The following RBKS variants were observed in gnomAD, a reference collection of about 807,000 sequenced individuals.
RBKS encodes ribokinase.
A neutral mutation model predicts 33.9 loss-of-function variants in RBKS; 33 were observed. The ratio of observed to expected loss-of-function variants is 0.97; its 90% CI spans 0.74 to 1.30. The LOEUF (loss-of-function observed/expected upper bound fraction) is 1.30, where lower values mean the gene tolerates loss of function less well. Ranked by LOEUF, RBKS falls within the 50% of genes most tolerant of loss-of-function variation. RBKS has a pLI of 0.00. For synonymous variants in RBKS, 125 were observed against 143.0 expected, an observed-to-expected ratio of 0.87 and a Z score of 0.90; for missense variants, 361 against 392.6, an observed-to-expected ratio of 0.92 and a Z score of 0.68.
intron 7 of RBKS, among the ~76,000 whole-genome samples, chr2:27,817,630 C>T (rs1467433851): frequency 6.6e-6 from 1 of 152,152 alleles, no homozygotes; most frequent in Admixed American, 6.5e-5. Flanking sequence ...AGCACTGTCC[C>T]AGGGTATACA....
At chr2:27,828,314 G>A (rs1349852346) in intron 6 of RBKS, among the ~76,000 whole-genome samples, 1 of 152,028 alleles carries the variant, frequency 6.6e-6, no homozygotes, top group Non-Finnish European at 1.5e-5. Context: ...AAAGAAAAAG[G>A]AAGGTTGGAG....
chr2:27,802,653 A>G (rs531930824), intron 7 of RBKS, among the ~76,000 whole-genome samples: 3 of 152,186 alleles, frequency 2.0e-5, no homozygotes, highest in African/African-American at 7.2e-5. Flanking sequence ...CTGCGCAGCA[A>G]CTCTAAGTTC....
At chr2:27,790,523 G>A (rs1677503287) in intron 7 of RBKS, among the ~76,000 whole-genome samples, 1 of 152,054 alleles carries the variant, frequency 6.6e-6, no homozygotes. Context: ...TAAAATATTT[G>A]CAAAACATGT....
At chr2:27,876,638 T>C (rs1664321141) in intron 1 of RBKS, among the ~76,000 whole-genome samples, 2 of 152,094 alleles carry the variant, frequency 1.3e-5, no homozygotes, top group African/African-American at 4.8e-5. Context: ...GAAAGTAGAA[T>C]AGTAGTTGCC....
intron 7 of RBKS, among the ~76,000 whole-genome samples, chr2:27,787,999 C>G (rs1677435148): frequency 6.6e-6 from 1 of 152,022 alleles, no homozygotes; most frequent in Non-Finnish European, 1.5e-5. Flanking sequence ...ATGATTATAT[C>G]AACAGGAGCT....
chr2:27,887,649 T>A (rs909803025), intron 1 of RBKS, among the ~76,000 whole-genome samples: 5 of 152,222 alleles, frequency 3.3e-5, no homozygotes, highest in African/African-American at 1.2e-4. Flanking sequence ...GGAATACAGT[T>A]TTTACTAATG....
chr2:27,861,311 C>T, intron 1 of RBKS: 1 of 374,930 alleles, frequency 2.7e-6, no homozygotes, highest in Non-Finnish European at 5.4e-6. Flanking sequence ...AGCATCTATT[C>T]CTGTTCTGAA....
At chr2:27,861,668 G>GGGT (rs1379941192) in intron 1 of RBKS, 2 of 429,800 alleles carry the variant, frequency 4.7e-6, no homozygotes, top group Admixed American at 5.1e-5. Flanking sequence ...CTTTTTGGGG[G>GGGT]GGGGGTGGAG....
intron 5 of RBKS, among the ~76,000 whole-genome samples, chr2:27,841,400 G>C (rs766063525): frequency 4.6e-5 from 7 of 152,196 alleles, no homozygotes; most frequent in East Asian, 3.8e-4. Flanking sequence ...ACAAGAGCAG[G>C]AGCAGGGTGG....
chr2:27,802,684 T>C lies in RBKS; in HGVS notation c.796-20896A>G, dbSNP rs148927221. ...AGTTCAATGCACGCTAATACCTCCCTGCTTTCCTCACTGAGCCAGAAATCC... is the reference window on the plus strand; with the variant it reads ...AGTTCAATGCACGCTAATACCTCCCCGCTTTCCTCACTGAGCCAGAAATCC... On this transcript the variant is annotated intron_variant, in intron 7 of 7. Transcript: ENST00000302188. Among the ~76,000 whole-genome samples the C allele has an allele frequency of 6.0e-3, 920 of 152,310 alleles. 7 individuals are homozygous for C. The highest frequency in any genetic ancestry group is 7.4e-3 in the Non-Finnish European group (504 of 68,030).
In RBKS at chr2:27,810,306, T is replaced by C. The variant is rs1677966187; in HGVS notation, c.795+17261A>G. Among the ~76,000 whole-genome samples the C allele has an allele frequency of 6.6e-6, 1 of 152,160 alleles. No individual in the cohort carries two copies. The highest frequency in any genetic ancestry group is 1.5e-5 in the Non-Finnish European group (1 of 68,026). On this transcript the variant is annotated intron_variant, in intron 7 of 7. Transcript: ENST00000302188. This position sits in a 1 kb window ranked among gnomAD's most constrained non-coding sequence, Gnocchi z 4.4. ...GGTAGGGCAAGTATCTGAACTAGCATTATGTTGCAAAAGAGTTACCTTCAA... is the reference window on the plus strand; with the variant it reads ...GGTAGGGCAAGTATCTGAACTAGCACTATGTTGCAAAAGAGTTACCTTCAA...
chr2:27,848,524 C>G (rs1430533835), intron 2 of RBKS, among the ~76,000 whole-genome samples: 4 of 152,088 alleles, frequency 2.6e-5, no homozygotes, highest in Non-Finnish European at 5.9e-5. Flanking sequence ...CACATAGAGG[C>G]AAAGAGAAGG....
chr2:27,865,862 C>T (rs1481197341), intron 1 of RBKS, among the ~76,000 whole-genome samples: 6 of 152,120 alleles, frequency 3.9e-5, no homozygotes, highest in South Asian at 2.1e-4. Context: ...CCCTTCCTAA[C>T]CTTTGTGCTA....
At chr2:27,814,037 A>G (rs1678041488) in intron 7 of RBKS, among the ~76,000 whole-genome samples, 1 of 152,066 alleles carries the variant, frequency 6.6e-6, no homozygotes, top group African/African-American at 2.4e-5. Context: ...AAGGCTGTGC[A>G]ACAAAGTGAG....
chr2:27,827,875 C>T (rs956614544), intron 6 of RBKS, 120 bp from the exon 7 acceptor site: 1 of 749,716 alleles, frequency 1.3e-6, no homozygotes, highest in Non-Finnish European at 2.0e-6. Context: ...GCAATGGGAA[C>T]CTTGATAGAT....
At chr2:27,824,731 C>G (rs1678279834) in intron 7 of RBKS, among the ~76,000 whole-genome samples, 1 of 152,134 alleles carries the variant, frequency 6.6e-6, no homozygotes, top group Non-Finnish European at 1.5e-5. Context: ...GTATAAATGC[C>G]CAATCCCTCT....
chr2:27,846,324 GT>G (rs566848351), intron 4 of RBKS, among the ~76,000 whole-genome samples: 41 of 152,186 alleles, frequency 2.7e-4, no homozygotes, highest in Non-Finnish European at 5.4e-4. Context: ...TTTATTTAGA[GT>G]CAGAGTCTCA....
intron 4 of RBKS, among the ~76,000 whole-genome samples, chr2:27,846,805 A>T (rs927229964): frequency 2.0e-5 from 3 of 152,222 alleles, no homozygotes; most frequent in Non-Finnish European, 4.4e-5. Context: ...AGGCAACTTC[A>T]TATATATTGG....
At chr2:27,841,762 T>A (rs896061627) in intron 5 of RBKS, among the ~76,000 whole-genome samples, 72 of 90,088 alleles carry the variant, frequency 8.0e-4, no homozygotes, top group African/African-American at 3.7e-3. Context: ...ACACACACAC[T>A]GTTCTTTTTC....
Sources: gnomAD v4.1 joint callset for allele counts (sites outside exome capture counted in the v4.1 genomes callset) on GRCh38, gnomAD v4.1.1 for gene constraint, Gnocchi (gnomAD v3.1) non-coding constraint, MANE v1.5 for transcripts, NCBI Gene and HGNC (gene_info 2026-07-23, HGNC 2026-07-21) for gene names.